Variants in CYB5R3 observed in about 807,000 individuals in gnomAD.
CYB5R3 encodes NADH-cytochrome b5 reductase 3.
A neutral mutation model predicts 36.5 loss-of-function variants in CYB5R3; 28 were observed. The observed-to-expected ratio is 0.77, with a 90% CI of 0.57 to 1.05. CYB5R3 has a LOEUF of 1.05. CYB5R3 is among the 50% of genes least tolerant of loss of function. The pLI is 0.00. For synonymous variants in CYB5R3, 181 were observed against 159.8 expected, an observed-to-expected ratio of 1.13 and a Z score of -1.00; for missense variants, 474 against 408.9, an observed-to-expected ratio of 1.16 and a Z score of -1.37.
intron 4 of CYB5R3, among the ~76,000 whole-genome samples, chr22:42,629,832 C>T (rs1399042659): frequency 1.3e-5 from 2 of 152,144 alleles, no homozygotes; most frequent in African/African-American, 4.8e-5. Context: ...GGCTCTCATT[C>T]TATTGCCCAG....
chr22:42,642,206 T>C (rs1219165108), intron 1 of CYB5R3, among the ~76,000 whole-genome samples: 1 of 151,462 alleles, frequency 6.6e-6, no homozygotes, highest in East Asian at 1.9e-4. Flanking sequence ...TGACCTCTTG[T>C]ACCCAAGCAA....
Position 42,636,820 on chromosome 22 carries a change from G to T in CYB5R3, c.48C>A (p.Val16=). ...STLGHMVLFP[V]WFLYSLLMKL... is the part of the protein sequence containing the mutation. Reference sequence around the variant, plus strand: ...TCATGAGCAGACTGTACAGGAACCAGACTGGGAAGAGCACCATATGGCCCA... The same window carrying T: ...TCATGAGCAGACTGTACAGGAACCATACTGGGAAGAGCACCATATGGCCCA... The change falls in exon 2 of 9, where the codon GTC becomes GTA. Residue 16 remains valine, a synonymous_variant. Coordinates refer to ENST00000352397, the MANE Select transcript of CYB5R3 (RefSeq NM_000398.7). The T allele has an allele frequency of 6.2e-7, 1 of 1,613,914 alleles. No homozygotes were observed. The highest frequency in any genetic ancestry group is 8.5e-7 in the Non-Finnish European group (1 of 1,180,018).
intron 3 of CYB5R3, 72 bp from the exon 4 acceptor site, chr22:42,631,060 C>A: frequency 7.6e-7 from 1 of 1,313,590 alleles, no homozygotes; most frequent in South Asian, 1.2e-5. Context: ...TGTCAACCCA[C>A]TCCCCTGCAC....
chr22:42,630,972 G>A lies in CYB5R3; in HGVS notation c.243C>T (p.Leu81=). ...LGLPVGQHIY[L]SARIDGNLVV... Reference sequence around the variant, plus strand: ...CCAGGTTTCCATCAATTCGAGCCGAGAGGTAGATGTGCTGGCCTGCAGGAC... The same window carrying A: ...CCAGGTTTCCATCAATTCGAGCCGAAAGGTAGATGTGCTGGCCTGCAGGAC... The change falls in exon 4 of 9, where the codon CTC becomes CTT. Residue 81 remains leucine (L), a synonymous_variant. Coordinates refer to ENST00000352397, the MANE Select transcript of CYB5R3 (RefSeq NM_000398.7). The A allele has an allele frequency of 1.2e-6, 2 of 1,613,956 alleles. No homozygotes were observed. Among genetic ancestry groups the A allele is most frequent in the South Asian group, 1.1e-5 (1 of 91,016 alleles).
At chr22:42,628,586 C>T (rs992023078) in intron 4 of CYB5R3, among the ~76,000 whole-genome samples, 3 of 152,162 alleles carry the variant, frequency 2.0e-5, no homozygotes, top group Admixed American at 6.5e-5. Context: ...TCTCTGGGGC[C>T]CCCTCCCAAC....
intron 8 of CYB5R3, among the ~76,000 whole-genome samples, chr22:42,622,450 A>G (rs1177370377): frequency 6.6e-6 from 1 of 152,112 alleles, no homozygotes; most frequent in Admixed American, 6.6e-5. Flanking sequence ...TACCAGGTGG[A>G]GCAGCCGACC....
chr22:42,621,244 G>A (rs1927956280), intron 8 of CYB5R3, among the ~76,000 whole-genome samples: 1 of 151,760 alleles, frequency 6.6e-6, no homozygotes, highest in Non-Finnish European at 1.5e-5. Flanking sequence ...AATTGGCTAT[G>A]TTGCCCCAGC....
In CYB5R3 at chr22:42,636,420, C is replaced by T. The variant is rs563949391; in HGVS notation, c.153+295G>A. 8.5e-5 allele frequency among the ~76,000 whole-genome samples: 13 copies of T among 152,234 alleles called. 1 individual carries two copies. In the South Asian group the frequency reaches 2.7e-3, roughly 32 times the overall value. ...CTTCAAATCTCTCACCCCCTGCATT[C>T]CTACCCCATAAATGGGGGATTGAAC... On this transcript the variant is annotated intron_variant, in intron 2 of 8. Transcript: ENST00000352397.
rs1215281505 is a variant in CYB5R3, at chr22:42,634,563, C to G, written c.153+2152G>C. On this transcript the variant is annotated intron_variant, in intron 2 of 8. Coordinates refer to ENST00000352397, the MANE Select transcript of CYB5R3 (RefSeq NM_000398.7). ...CCAGGTTCAAGCGATTCTCCTGCCT[C>G]AGCCTCTCAAGTAGCTGGGATTACA... Among the ~76,000 whole-genome samples, 4 of 152,046 alleles carry G rather than the reference C, an allele frequency of 2.6e-5. No individual in the cohort carries two copies. In the East Asian group the frequency reaches 5.9e-4, roughly 22 times the overall value.
chr22:42,647,574 C>CCTGTCTCTACTAAAAGTACAAAAAATAGG lies in CYB5R3; in HGVS notation c.21+1720_21+1721insCCTATTTTTTGTACTTTTAGTAGAGACAG, dbSNP rs66812845. On this transcript the variant is annotated intron_variant, in intron 1 of 8. Coordinates refer to ENST00000352397, the MANE Select transcript of CYB5R3 (RefSeq NM_000398.7). ...ACCAGCTTGGCCAAGATGGCGAAGCCCAGGTGTGATGGCGAGTGCCTGTAA... is the reference window on the plus strand; with the variant it reads ...ACCAGCTTGGCCAAGATGGCGAAGCCCTGTCTCTACTAAAAGTACAAAAAATAGGCAGGTGTGATGGCGAGTGCCTGTAA... 2.2e-4 allele frequency among the ~76,000 whole-genome samples: 7 copies of CCTGTCTCTACTAAAAGTACAAAAAATAGG among 32,086 alleles called. No homozygotes were observed. The East Asian group carries it at 0.018, about 83-fold the overall frequency. 21.0% of individuals were successfully genotyped at this position (32,086 alleles called of 152,430 possible).
At position 42,628,137 on chromosome 22, in the gene CYB5R3, T is replaced by G. The variant is rs773055170; in HGVS notation, c.463+15A>C. 1.2e-6 allele frequency: 2 copies of G among 1,613,690 alleles called. No homozygotes were observed. The highest frequency in any genetic ancestry group is 2.7e-5 in the African/African-American group (2 of 74,894). On this transcript the variant is annotated intron_variant, in intron 5 of 8. Coordinates refer to ENST00000352397, the MANE Select transcript of CYB5R3 (RefSeq NM_000398.7). ...TGAGCCTGCCGTGTAACCAAGGGAT[T>G]CCGACCCGAATCACCTTTGCCCTGG... is the stretch of plus-strand genomic sequence containing the variant.
intron 6 of CYB5R3, 81 bp downstream of exon 6, chr22:42,627,524 C>T (rs1237144336): frequency 8.0e-6 from 12 of 1,496,538 alleles, no homozygotes; most frequent in Non-Finnish European, 1.1e-5. Context: ...CTCCCAGGCA[C>T]TCAGAACCTG....
intron 1 of CYB5R3, among the ~76,000 whole-genome samples, chr22:42,638,652 G>T (rs1303367678): frequency 7.0e-6 from 1 of 142,298 alleles, no homozygotes; most frequent in Non-Finnish European, 1.5e-5. Context: ...GAGGCAGAAG[G>T]TTGCCTGTGG....
At chr22:42,640,823 T>C (rs188316253) in intron 1 of CYB5R3, among the ~76,000 whole-genome samples, 5 of 152,280 alleles carry the variant, frequency 3.3e-5, no homozygotes, top group African/African-American at 4.8e-5. Context: ...TCTTAATGAA[T>C]AGTAAATATG....
chr22:42,636,624 C>G, intron 2 of CYB5R3, 91 bp downstream of exon 2: 1 of 1,553,674 alleles, frequency 6.4e-7, no homozygotes. Context: ...ACAACAGTAT[C>G]TACTTCAGAG....
At chr22:42,635,486 G>A (rs533234992) in intron 2 of CYB5R3, among the ~76,000 whole-genome samples, 8 of 150,006 alleles carry the variant, frequency 5.3e-5, no homozygotes, top group Admixed American at 4.0e-4. Flanking sequence ...GTGATCCACC[G>A]GCCTCGGCCT....
chr22:42,644,228 G>A (rs1322973679), intron 1 of CYB5R3, among the ~76,000 whole-genome samples: 2 of 152,082 alleles, frequency 1.3e-5, no homozygotes, highest in African/African-American at 4.8e-5. Flanking sequence ...AGAGCTCACA[G>A]CCCAAATCTG....
At chr22:42,648,470 G>A (rs954006715) in intron 1 of CYB5R3, among the ~76,000 whole-genome samples, 11 of 152,238 alleles carry the variant, frequency 7.2e-5, no homozygotes, top group African/African-American at 4.8e-5. Context: ...GGCCTGGGGG[G>A]AAGGGAAGGT....
Position 42,627,333 on chromosome 22 carries a change from TGTG to T in CYB5R3, c.601_603del (p.His201del). 1 of 1,613,910 alleles carries T rather than the reference TGTG, an allele frequency of 6.2e-7. No homozygotes were observed. The highest frequency in any genetic ancestry group is 8.5e-7 in the Non-Finnish European group (1 of 1,179,972). Reference sequence around the variant, plus strand: ...TTGGCAAAGAGCAGGTGGCACACAGTGTGGTCATCAGGGTCCTTCATGATGGCG... The same window carrying T: ...TTGGCAAAGAGCAGGTGGCACACAGTGTCATCAGGGTCCTTCATGATGGCG... On this transcript the variant is annotated inframe_deletion, in exon 7 of 9. Transcript: ENST00000352397.
Sources: gnomAD v4.1 joint callset for allele counts (sites outside exome capture counted in the v4.1 genomes callset) on GRCh38, gnomAD v4.1.1 for gene constraint, MANE v1.5 for transcripts, NCBI Gene and HGNC (gene_info 2026-07-23, HGNC 2026-07-21) for gene names.